PPP2R2B: variants seen among roughly 807,000 people sequenced by gnomAD.
PPP2R2B encodes the protein serine/threonine-protein phosphatase 2A 55 kDa regulatory subunit B beta isoform.
Under a neutral mutation model 46.0 loss-of-function variants are expected in PPP2R2B, and 5 were observed. That is an observed-to-expected ratio of 0.11 (90% CI 0.06 to 0.23). PPP2R2B has a LOEUF of 0.23. PPP2R2B is among the 10% of genes least tolerant of loss of function. The pLI, the probability that PPP2R2B is intolerant of heterozygous loss-of-function variation, is 1.00. For synonymous variants in PPP2R2B, 215 were observed against 206.7 expected, an observed-to-expected ratio of 1.04 and a Z score of -0.34; for missense variants, 367 against 575.0, an observed-to-expected ratio of 0.64 and a Z score of 3.70.
intron 5 of PPP2R2B, among the ~76,000 whole-genome samples, chr5:146,687,246 T>TGA (rs1266770883): frequency 1.3e-5 from 2 of 152,194 alleles, no homozygotes; most frequent in African/African-American, 4.8e-5. Flanking sequence ...GTCCCAGTCC[T>TGA]GGAATAACCA....
At chr5:147,071,349 G>A (rs1405559692) in intron 2 of PPP2R2B, among the ~76,000 whole-genome samples, 1 of 152,118 alleles carries the variant, frequency 6.6e-6, no homozygotes, top group Non-Finnish European at 1.5e-5. Flanking sequence ...TCTGACAGTG[G>A]TCCCTTAATT....
In PPP2R2B at chr5:146,801,598, G is replaced by T. The variant is rs144357921; in HGVS notation, c.70+76404C>A. Among the ~76,000 whole-genome samples, 129 of 152,282 alleles carry T rather than the reference G, an allele frequency of 8.5e-4. 1 individual carries two copies. The highest frequency in any genetic ancestry group is 2.9e-3 in the African/African-American group (122 of 41,560). ...TGCTGAGGGTGATGGGAAGATACAG[G>T]CTGTGGGGTCAGGCCGCCTGCCTCT... On this transcript the variant is annotated intron_variant, in intron 2 of 9. Transcript: ENST00000394411.
chr5:146,827,056 A>G (rs1437734148), intron 2 of PPP2R2B, among the ~76,000 whole-genome samples: 1 of 152,054 alleles, frequency 6.6e-6, no homozygotes, highest in African/African-American at 2.4e-5. Flanking sequence ...CTTCTTCCCC[A>G]TTCTTTTCCC....
chr5:147,038,464 A>T (rs1756143000), intron 1 of PPP2R2B, among the ~76,000 whole-genome samples: 1 of 152,140 alleles, frequency 6.6e-6, no homozygotes, highest in Non-Finnish European at 1.5e-5. Context: ...TACATTGATA[A>T]TTTTTCAAAG....
chr5:147,003,790 C>A (rs1486927441), intron 1 of PPP2R2B, among the ~76,000 whole-genome samples: 1 of 152,134 alleles, frequency 6.6e-6, no homozygotes, highest in Non-Finnish European at 1.5e-5. Context: ...TCAATGATGT[C>A]CACCATAGCT....
intron 1 of PPP2R2B, among the ~76,000 whole-genome samples, chr5:147,004,040 A>T (rs1041498372): frequency 6.6e-6 from 1 of 152,070 alleles, no homozygotes; most frequent in African/African-American, 2.4e-5. Context: ...AGGGACCAAG[A>T]GGAATAGGCC....
chr5:146,827,999 AAGAGAGAGAG>A (rs35087951), intron 2 of PPP2R2B, among the ~76,000 whole-genome samples: 1 of 148,718 alleles, frequency 6.7e-6, no homozygotes, highest in Non-Finnish European at 1.5e-5. Flanking sequence ...GGCCTAGTTG[AAGAGAGAGAG>A]AGAGAGAGAG....
At chr5:147,027,017 A>G (rs1267941958) in intron 1 of PPP2R2B, among the ~76,000 whole-genome samples, 1 of 152,202 alleles carries the variant, frequency 6.6e-6, no homozygotes, top group African/African-American at 2.4e-5. Flanking sequence ...CATAATAGAA[A>G]CTGGAAACCA....
chr5:146,973,120 C>T (rs1752740049), intron 1 of PPP2R2B, among the ~76,000 whole-genome samples: 1 of 152,134 alleles, frequency 6.6e-6, no homozygotes, highest in African/African-American at 2.4e-5. Context: ...TGTCTTTGAT[C>T]TACCTGGAGT....
intron 1 of PPP2R2B, among the ~76,000 whole-genome samples, chr5:147,018,039 GCGCGCACA>G (rs1165378583): frequency 0.016 from 1,034 of 64,896 alleles, 15 homozygotes; most frequent in African/African-American, 0.036. Flanking sequence ...ACATGCATGC[GCGCGCACA>G]CACACACACA....
At chr5:146,934,391 A>G (rs1320865067) in intron 1 of PPP2R2B, among the ~76,000 whole-genome samples, 4 of 151,088 alleles carry the variant, frequency 2.6e-5, no homozygotes, top group East Asian at 1.9e-4. Flanking sequence ...GTGTGAGATG[A>G]TATCTCATTG....
chr5:146,691,575 T>A (rs1334782886), intron 4 of PPP2R2B, among the ~76,000 whole-genome samples: 2 of 152,190 alleles, frequency 1.3e-5, no homozygotes, highest in Non-Finnish European at 2.9e-5. Flanking sequence ...ACAATGTAAC[T>A]AAGAATTTTA....
At chr5:146,808,621 C>T (rs891155216) in intron 2 of PPP2R2B, among the ~76,000 whole-genome samples, 8 of 152,160 alleles carry the variant, frequency 5.3e-5, no homozygotes, top group African/African-American at 1.4e-4. Context: ...TCCTAGAAGC[C>T]GGGGCTCTGG....
chr5:146,987,824 C>T (rs1753500587), intron 1 of PPP2R2B, among the ~76,000 whole-genome samples: 2 of 151,788 alleles, frequency 1.3e-5, no homozygotes. Context: ...AGCTGAAAGA[C>T]ATAGAGTCAC....
intron 7 of PPP2R2B, among the ~76,000 whole-genome samples, chr5:146,615,750 C>CA (rs2151043364): frequency 6.6e-6 from 1 of 151,958 alleles, no homozygotes; most frequent in South Asian, 2.1e-4. Flanking sequence ...GAAGGGGACA[C>CA]AAAAAATGGA....
chr5:147,057,895 T>C (rs570332523), upstream of PPP2R2B, among the ~76,000 whole-genome samples: 1 of 152,210 alleles, frequency 6.6e-6, no homozygotes, highest in Non-Finnish European at 1.5e-5. Context: ...TAAACGACAC[T>C]GTTGAGGATA....
At chr5:146,703,261 C>T (rs1053751605) in intron 2 of PPP2R2B, among the ~76,000 whole-genome samples, 1 of 152,136 alleles carries the variant, frequency 6.6e-6, no homozygotes, top group African/African-American at 2.4e-5. Context: ...TGTCTTTGGT[C>T]AGGTACAAAG....
intron 2 of PPP2R2B, chr5:146,706,875 T>C: frequency 8.0e-7 from 1 of 1,253,142 alleles, no homozygotes; most frequent in Non-Finnish European, 1.2e-6. Flanking sequence ...CTGTTGTCAA[T>C]GGACAGCACC....
chr5:146,692,736 G>A (rs925998949), intron 4 of PPP2R2B, among the ~76,000 whole-genome samples: 3 of 151,618 alleles, frequency 2.0e-5, no homozygotes, highest in African/African-American at 7.3e-5. Context: ...GGGTTTCACC[G>A]TGTTAGCCAG....
Sources: gnomAD v4.1 joint callset for allele counts (sites outside exome capture counted in the v4.1 genomes callset) on GRCh38, gnomAD v4.1.1 for gene constraint, MANE v1.5 for transcripts, NCBI Gene and HGNC (gene_info 2026-07-23, HGNC 2026-07-21) for gene names.